The following HACL1 variants were observed in gnomAD, a reference collection of about 807,000 sequenced individuals.
HACL1 encodes 2-hydroxyacyl-CoA lyase 1.
In HACL1, 64 loss-of-function variants were observed where a neutral mutation model predicts 74.2. The ratio of observed to expected loss-of-function variants is 0.86; its 90% CI spans 0.70 to 1.06. HACL1 has a LOEUF of 1.06. Among genes scored for constraint, HACL1 ranks in the 50% least tolerant of loss-of-function variants. The probability of loss-of-function intolerance (pLI) is 0.00; values close to 1 mark genes in which losing one functional copy is unlikely to be tolerated. For missense variants in HACL1, 728 were observed against 719.7 expected (o/e 1.01, Z -0.13); for synonymous variants, 230 against 238.8 (o/e 0.96, Z 0.34).
intron 2 of HACL1, 33 bp from the exon 3 acceptor site, chr3:15,596,457 T>C: frequency 1.4e-6 from 2 of 1,404,436 alleles, no homozygotes; most frequent in East Asian, 2.3e-5. Flanking sequence ...CTTGAGCATA[T>C]TGGGATCCTT....
chr3:15,593,338 C>G (rs969270017), intron 3 of HACL1, among the ~76,000 whole-genome samples: 3 of 151,948 alleles, frequency 2.0e-5, no homozygotes, highest in African/African-American at 7.3e-5. Context: ...CACAGCCTCC[C>G]AAGTAACCGG....
At chr3:15,600,772 G>A in intron 2 of HACL1, 1 of 372,764 alleles carries the variant, frequency 2.7e-6, no homozygotes, top group East Asian at 4.8e-5. Context: ...AGGGAAGTCA[G>A]ACTTTACTCA....
chr3:15,574,635 G>A (rs1480562021), intron 10 of HACL1, among the ~76,000 whole-genome samples: 2 of 152,144 alleles, frequency 1.3e-5, no homozygotes, highest in Admixed American at 1.3e-4. Flanking sequence ...CCCTAACAAG[G>A]CCAAATGTTT....
At chr3:15,566,605 G>A (rs745922168) in intron 14 of HACL1, among the ~76,000 whole-genome samples, 3 of 151,856 alleles carry the variant, frequency 2.0e-5, no homozygotes, top group African/African-American at 7.3e-5. Flanking sequence ...GCGGTGAGCC[G>A]CAGTTGCGCC....
chr3:15,579,985 G>A lies in HACL1; in HGVS notation c.728C>T (p.Pro243Leu). Residue 243 changes from proline to leucine, a missense_variant, in exon 9 of 17, where the codon CCA (proline) becomes CTA (leucine). Pro to Leu is a moderately conservative substitution (Grantham distance 98). Coordinates refer to ENST00000321169, the MANE Select transcript of HACL1 (RefSeq NM_012260.4). Reference sequence around the variant, plus strand: ...CTTCCCCATAGGGGTGGGCAAAAATGGCAGTTTATATTGCTCCACCAATTT... The same window carrying A: ...CTTCCCCATAGGGGTGGGCAAAAATAGCAGTTTATATTGCTCCACCAATTT... ...IKKLVEQYKLPFLPTPMGKGV... is the reference protein window; with the variant it reads ...IKKLVEQYKLLFLPTPMGKGV... 1 of 1,608,196 alleles carries A rather than the reference G, an allele frequency of 6.2e-7. No individual in the cohort carries two copies. Among genetic ancestry groups the A allele is most frequent in the Non-Finnish European group, 8.5e-7 (1 of 1,174,682 alleles).
At chr3:15,562,825 A>T (rs1406521713) in intron 16 of HACL1, among the ~76,000 whole-genome samples, 1 of 152,186 alleles carries the variant, frequency 6.6e-6, no homozygotes, top group Non-Finnish European at 1.5e-5. Flanking sequence ...AAATCCTTGT[A>T]TTACAGTTGC....
rs1238164056 is a variant in HACL1, at chr3:15,584,054, A to T, written c.555-1065T>A. On this transcript the variant is annotated intron_variant, in intron 7 of 16. Coordinates refer to ENST00000321169, the MANE Select transcript of HACL1 (RefSeq NM_012260.4). Reference sequence around the variant, plus strand: ...CTGTCACAGTTAAGTATTTCTGGACACCAAGTCCTGTGCTATTTCATTTAT... The same window carrying T: ...CTGTCACAGTTAAGTATTTCTGGACTCCAAGTCCTGTGCTATTTCATTTAT... Among the ~76,000 whole-genome samples, 5 of 152,328 alleles carry T rather than the reference A, an allele frequency of 3.3e-5. No homozygotes were observed. The East Asian group carries it at 9.6e-4, about 29-fold the overall frequency.
rs146264180 is a variant in HACL1 at position 15,596,396 on chromosome 3, T to A, written c.215A>T (p.Tyr72Phe). Residue 72 changes from tyrosine to phenylalanine, a missense_variant, in exon 3 of 17, where the codon TAT (tyrosine) becomes TTT (phenylalanine). Tyr to Phe is a conservative substitution (Grantham distance 22). Coordinates refer to ENST00000321169, the MANE Select transcript of HACL1 (RefSeq NM_012260.4). ...AATTTTAGTTTACCTGCTTGTCAGA[T>A]ATCCAATCGCGGAGGCAGCATAACA... Reference protein sequence around the residue: ...AACYAASAIGYLTSRPGVCLV... With the variant: ...AACYAASAIGFLTSRPGVCLV... 7.0e-4 allele frequency: 1,115 copies of A among 1,593,856 alleles called. 5 individuals are homozygous for A. The South Asian group carries it at 7.2e-3, about 10-fold the overall frequency.
chr3:15,566,851 C>T (rs2063443166), intron 14 of HACL1, among the ~76,000 whole-genome samples: 1 of 124,702 alleles, frequency 8.0e-6, no homozygotes, highest in Admixed American at 9.8e-5. Context: ...TGGAGTCTTG[C>T]TCTGTCGCCC....
At chr3:15,570,392 T>G (rs987276661) in intron 12 of HACL1, among the ~76,000 whole-genome samples, 3 of 151,804 alleles carry the variant, frequency 2.0e-5, no homozygotes, top group African/African-American at 7.3e-5. Context: ...CAATCAATTC[T>G]GCTATAATGT....
chr3:15,590,604 A>C (rs1357676576), intron 4 of HACL1, among the ~76,000 whole-genome samples: 2 of 152,240 alleles, frequency 1.3e-5, no homozygotes, highest in Non-Finnish European at 2.9e-5. Context: ...TTATATATAA[A>C]GCAAACTAAA....
At chr3:15,583,047 A>C in intron 7 of HACL1, 58 bp from the exon 8 acceptor site, 1 of 785,876 alleles carries the variant, frequency 1.3e-6, no homozygotes, top group Non-Finnish European at 2.1e-6. Context: ...TTTATTGTGA[A>C]AATTTCAAAT....
rs977478774 is a variant in HACL1, at chr3:15,586,524, C to T, written c.459+1G>A. 3.3e-6 allele frequency: 5 copies of T among 1,531,432 alleles called. No individual in the cohort carries two copies. Among genetic ancestry groups the T allele is most frequent in the African/African-American group, 1.4e-5 (1 of 73,092 alleles). The allele number at this position is 1,531,432 out of a possible 1,614,324, so 94.9% of individuals were successfully genotyped here. On this transcript the variant is annotated splice_donor_variant, in intron 6 of 16. Coordinates refer to ENST00000321169, the MANE Select transcript of HACL1 (RefSeq NM_012260.4). LOFTEE classifies it high-confidence loss of function. ...GGAGAGCTTGTTATTAAATACTGTA[C>T]CTTTTCAATAACAAAAGGAATAGCT...
intron 8 of HACL1, among the ~76,000 whole-genome samples, chr3:15,580,936 T>C (rs557813691): frequency 6.6e-6 from 1 of 152,332 alleles, no homozygotes; most frequent in African/African-American, 2.4e-5. Context: ...AGTCTCACTC[T>C]TGTCACCCAG....
At chr3:15,566,900 A>T (rs6805529) in intron 14 of HACL1, among the ~76,000 whole-genome samples, 2 of 147,960 alleles carry the variant, frequency 1.4e-5, no homozygotes, top group Non-Finnish European at 3.0e-5. Flanking sequence ...CTCACTGCAA[A>T]CTACACCTCC....
Position 15,586,550 on chromosome 3 carries a change from T to C in HACL1, c.434A>G (p.Glu145Gly), listed in dbSNP as rs986978245. The change falls in exon 6 of 17, where the codon GAA becomes GGA. Residue 145 changes from glutamate to glycine, a missense_variant. By Grantham distance (98) the Glu-to-Gly change is moderately conservative (BLOSUM62 -2). Coordinates refer to ENST00000321169, the MANE Select transcript of HACL1 (RefSeq NM_012260.4). Reference protein sequence around the residue: ...TKFSARPSSIEAIPFVIEKAV... With the variant: ...TKFSARPSSIGAIPFVIEKAV... ...CTTTTCAATAACAAAAGGAATAGCT[T>C]CTATGCTGCTTGGGCGGGCAGAGAA... 6.3e-7 allele frequency: 1 copy of C among 1,597,896 alleles called. No homozygotes were observed. Among genetic ancestry groups the C allele is most frequent in the African/African-American group, 1.3e-5 (1 of 74,654 alleles).
At chr3:15,573,602 G>C (rs1386685377) in intron 10 of HACL1, among the ~76,000 whole-genome samples, 3 of 152,144 alleles carry the variant, frequency 2.0e-5, no homozygotes, top group Non-Finnish European at 4.4e-5. Context: ...TCAAATATAA[G>C]CATATATCAG....
At chr3:15,592,323 T>C (rs1418420060) in intron 3 of HACL1, among the ~76,000 whole-genome samples, 1 of 145,158 alleles carries the variant, frequency 6.9e-6, no homozygotes, top group Non-Finnish European at 1.5e-5. Flanking sequence ...TACATATATG[T>C]ATATATACTC....
rs1036440753 is a variant in HACL1 at position 15,590,881 on chromosome 3, G to C, written c.308+719C>G. On this transcript the variant is annotated intron_variant, in intron 4 of 16. Coordinates refer to ENST00000321169, the MANE Select transcript of HACL1 (RefSeq NM_012260.4). ...GGATCACCTGAGGTCAGGAGTTTGA[G>C]ACCAGCCTGGCCAGCATGGTGAAAC... 9.8e-5 allele frequency among the ~76,000 whole-genome samples: 15 copies of C among 152,334 alleles called. 4 individuals carry two copies. The highest frequency in any genetic ancestry group is 1.3e-4 in the Admixed American group (2 of 15,302).
Sources: gnomAD v4.1 joint callset for allele counts (sites outside exome capture counted in the v4.1 genomes callset) on GRCh38, gnomAD v4.1.1 for gene constraint, MANE v1.5 for transcripts, NCBI Gene and HGNC (gene_info 2026-07-23, HGNC 2026-07-21) for gene names.